The following FAM25A variants were observed in gnomAD, a reference collection of about 807,000 sequenced individuals.
FAM25A encodes family with sequence similarity 25 member A.
A neutral mutation model predicts 6.6 loss-of-function variants in FAM25A; 5 were observed. That is an observed-to-expected ratio of 0.75 (90% confidence interval 0.39 to 1.59). The LOEUF (loss-of-function observed/expected upper bound fraction) is 1.59, where lower values mean the gene tolerates loss of function less well. Ranked by LOEUF, FAM25A falls within the 40% of genes most tolerant of loss-of-function variation. FAM25A has a pLI of 0.02. For missense variants in FAM25A, 93 were observed against 109.7 expected (o/e 0.85, Z 0.68); for synonymous variants, 36 against 41.3 (o/e 0.87, Z 0.49).
intron 1 of FAM25A, among the ~76,000 whole-genome samples, chr10:87,021,306 C>G (rs796151866): frequency 6.6e-6 from 1 of 152,210 alleles, no homozygotes; most frequent in East Asian, 1.9e-4. Flanking sequence ...CTGCTTTAAC[C>G]TTTCACTAGC....
chr10:87,022,578 C>T (rs1273542918), intron 2 of FAM25A, among the ~76,000 whole-genome samples: 1 of 152,212 alleles, frequency 6.6e-6, no homozygotes, highest in Non-Finnish European at 1.5e-5. Flanking sequence ...ATGGTTCTGT[C>T]TGTGGAATAA....
chr10:87,022,408 G>A (rs1266508692), intron 2 of FAM25A, 32 bp downstream of exon 2: 4 of 1,544,540 alleles, frequency 2.6e-6, no homozygotes, highest in South Asian at 2.4e-5. Context: ...CAGGGAAGGA[G>A]GGAGGGAGCA....
At chr10:87,022,458 C>T in intron 2 of FAM25A, 82 bp downstream of exon 2, 25 of 1,468,920 alleles carry the variant, frequency 1.7e-5, no homozygotes, top group Non-Finnish European at 2.2e-5. Context: ...CTTTGACTAA[C>T]CAGGTCAAAC....
In FAM25A at chr10:87,022,327, A is replaced by G. The variant is rs3802666; in HGVS notation, c.87A>G (p.Glu29=). 681,990 of 1,547,946 alleles carry G rather than the reference A, an allele frequency of 0.44. 153,343 individuals carry two copies. The highest frequency in any genetic ancestry group is 0.72 in the East Asian group (29,299 of 40,890). ...TCCTCTGTTCAGTTCATGCCGTGGA[A>G]GAAGTGGTGAAGGAGGTGGTGGGAC... The part of the protein sequence containing the change: ...KATEGAIHAV[E]EVVKEVVGHA... The change falls in exon 2 of 3, where the codon GAA becomes GAG. Residue 29 remains glutamate, a synonymous_variant. Transcript: ENST00000343959.
intron 2 of FAM25A, 83 bp downstream of exon 2, chr10:87,022,459 C>A (rs1225644562): frequency 6.8e-7 from 1 of 1,472,070 alleles, no homozygotes; most frequent in East Asian, 2.5e-5. Context: ...TTTGACTAAC[C>A]AGGTCAAACT....
Position 87,024,632 on chromosome 10 carries a change from C to T in FAM25A, c.228C>T (p.Ala76=). 1.3e-6 allele frequency: 2 copies of T among 1,535,746 alleles called. No individual in the cohort carries two copies. Among genetic ancestry groups the T allele is most frequent in the Non-Finnish European group, 8.7e-7 (1 of 1,146,896 alleles). The change falls in exon 3 of 3, where the codon GCC becomes GCT. Residue 76 remains alanine, a synonymous_variant. Transcript: ENST00000343959. ...CAGTGACCAACACAGTCACAAATGC[C>T]ATCACCCATGCAGCAGAGAGTCTGG... The part of the protein sequence containing the change: ...TETVTNTVTN[A]ITHAAESLDK...
intron 2 of FAM25A, among the ~76,000 whole-genome samples, chr10:87,022,648 A>C (rs1845340447): frequency 6.6e-6 from 1 of 152,206 alleles, no homozygotes; most frequent in South Asian, 2.1e-4. Context: ...TTAACATGGC[A>C]GGGCGCGGTG....
At chr10:87,022,694 A>C (rs1347431966) in intron 2 of FAM25A, among the ~76,000 whole-genome samples, 1 of 152,192 alleles carries the variant, frequency 6.6e-6, no homozygotes, top group Non-Finnish European at 1.5e-5. Flanking sequence ...TGGGAGGCTG[A>C]GGAGGGTGGA....
chr10:87,021,972 A>G (rs550174080), intron 1 of FAM25A, among the ~76,000 whole-genome samples: 7 of 152,196 alleles, frequency 4.6e-5, no homozygotes, highest in Non-Finnish European at 1.0e-4. Context: ...TGGCCTGCTC[A>G]TTGCCATTCC....
chr10:87,022,996 G>A (rs989090150), intron 2 of FAM25A, among the ~76,000 whole-genome samples: 16 of 151,082 alleles, frequency 1.1e-4, no homozygotes, highest in African/African-American at 3.2e-4. Flanking sequence ...CACTTTGGGA[G>A]CCTGAGGTGG....
intron 1 of FAM25A, among the ~76,000 whole-genome samples, chr10:87,021,918 T>A (rs1845331821): frequency 6.6e-6 from 1 of 152,210 alleles, no homozygotes; most frequent in African/African-American, 2.4e-5. Context: ...GGGTGTGACC[T>A]GGCACAGAGG....
rs192251102 is a variant in FAM25A, at chr10:87,023,853, C to T, written c.137-688C>T. Reference sequence around the variant, plus strand: ...ATCTGGTGAGGGAGTCTTTCTGGTTCGTGGATGGGCCCAGCTCTGTCCTCA... The same window carrying T: ...ATCTGGTGAGGGAGTCTTTCTGGTTTGTGGATGGGCCCAGCTCTGTCCTCA... On this transcript the variant is annotated intron_variant, in intron 2 of 2. Transcript: ENST00000343959. Among the ~76,000 whole-genome samples the T allele has an allele frequency of 5.3e-5, 8 of 152,088 alleles. No homozygotes were observed. In the East Asian group the frequency reaches 7.7e-4, roughly 15 times the overall value.
chr10:87,020,387 C>T lies in FAM25A; in HGVS notation c.63C>T (p.Thr21=), dbSNP rs527824278. The change falls in exon 1 of 3, where the codon ACC becomes ACT. Residue 21 remains threonine, a synonymous_variant. Transcript: ENST00000343959. ...EGLAHRTEKA[T]EGAIHAVEEV... ...TGGCCCACCGCACCGAGAAGGCCACCGAGGGAGCCAGTGAGGACCTGGGGC... is the reference window on the plus strand; with the variant it reads ...TGGCCCACCGCACCGAGAAGGCCACTGAGGGAGCCAGTGAGGACCTGGGGC... 415 of 1,549,380 alleles carry T rather than the reference C, an allele frequency of 2.7e-4. No homozygotes were observed. The Middle Eastern group carries it at 4.6e-3, about 17-fold the overall frequency.
At position 87,020,301 on chromosome 10, in the gene FAM25A, T is replaced by C. The variant is rs1161659335; in HGVS notation, c.-24T>C. The C allele has an allele frequency of 6.5e-7, 1 of 1,549,424 alleles. No individual in the cohort carries two copies. The highest frequency in any genetic ancestry group is 8.7e-7 in the Non-Finnish European group (1 of 1,146,786). On this transcript the variant is annotated 5_prime_UTR_variant, in exon 1 of 3. Transcript: ENST00000343959. ...GTTGGGCCAGTCCTCAGCATCCTAGTTCACCACTGTCTGCTGCCACACGAT... is the reference window on the plus strand; with the variant it reads ...GTTGGGCCAGTCCTCAGCATCCTAGCTCACCACTGTCTGCTGCCACACGAT...
intron 1 of FAM25A, among the ~76,000 whole-genome samples, chr10:87,021,988 G>A (rs955375353): frequency 2.6e-5 from 4 of 152,226 alleles, no homozygotes; most frequent in Admixed American, 6.5e-5. Context: ...ATTCCAGGCC[G>A]GGCAGGGCCA....
At chr10:87,023,994 G>A (rs908814468) in intron 2 of FAM25A, among the ~76,000 whole-genome samples, 1 of 152,110 alleles carries the variant, frequency 6.6e-6, no homozygotes, top group African/African-American at 2.4e-5. Flanking sequence ...CAACGTATGA[G>A]TTTTGAGGGG....
intron 2 of FAM25A, 70 bp from the exon 3 acceptor site, chr10:87,024,471 C>G (rs1230269166): frequency 3.3e-6 from 5 of 1,535,322 alleles, no homozygotes; most frequent in Non-Finnish European, 4.4e-6. Flanking sequence ...CCACATCCCA[C>G]AGGCCACTCA....
intron 2 of FAM25A, among the ~76,000 whole-genome samples, chr10:87,023,298 T>C (rs989142481): frequency 1.3e-5 from 2 of 152,216 alleles, no homozygotes; most frequent in African/African-American, 4.8e-5. Flanking sequence ...AGTAGAACTA[T>C]GTACAAAGCA....
chr10:87,020,558 G>C (rs1447958662), intron 1 of FAM25A, among the ~76,000 whole-genome samples, 161 bp downstream of exon 1: 9 of 152,126 alleles, frequency 5.9e-5, no homozygotes, highest in Admixed American at 2.6e-4. Context: ...GAGTTGAGGG[G>C]TGCAGACCTG....
Sources: allele counts gnomAD v4.1 joint callset (sites outside exome capture counted in the v4.1 genomes callset), GRCh38; gene constraint gnomAD v4.1.1; transcripts MANE v1.5; gene names NCBI Gene and HGNC (gene_info 2026-07-23, HGNC 2026-07-21).